The following TMEM132D variants were observed in gnomAD, a reference collection of about 807,000 sequenced individuals.
The protein encoded by TMEM132D is transmembrane protein 132D.
Under a neutral mutation model 62.3 loss-of-function variants are expected in TMEM132D, and 21 were observed. The ratio of observed to expected loss-of-function variants is 0.34; its 90% CI spans 0.24 to 0.49. The LOEUF is 0.49. Among genes scored for constraint, TMEM132D ranks in the 20% least tolerant of loss-of-function variants. TMEM132D has a pLI of 0.99. For synonymous variants in TMEM132D, 621 were observed against 575.6 expected, an observed-to-expected ratio of 1.08 and a Z score of -1.13; for missense variants, 1,346 against 1,402.8, an observed-to-expected ratio of 0.96 and a Z score of 0.65.
intron 7 of TMEM132D, 147 bp from the exon 8 acceptor site, chr12:129,078,872 A>G (rs1052225747): frequency 5.4e-6 from 4 of 746,626 alleles, no homozygotes; most frequent in Admixed American, 2.7e-5. Flanking sequence ...CACTCACACC[A>G]CCTTCTGAAT....
chr12:129,554,336 G>C (rs570149890), intron 2 of TMEM132D, among the ~76,000 whole-genome samples: 1 of 152,198 alleles, frequency 6.6e-6, no homozygotes, highest in African/African-American at 2.4e-5. Flanking sequence ...AACGATGCCA[G>C]GTGGTGCTGG....
intron 1 of TMEM132D, among the ~76,000 whole-genome samples, chr12:129,703,280 G>C (rs1881425032): frequency 6.6e-6 from 1 of 152,138 alleles, no homozygotes; most frequent in Non-Finnish European, 1.5e-5. Context: ...AATGACATCG[G>C]GTCCTATGAT....
intron 1 of TMEM132D, among the ~76,000 whole-genome samples, chr12:129,778,501 TG>T (rs1282787058): frequency 2.6e-5 from 4 of 152,170 alleles, no homozygotes; most frequent in African/African-American, 9.7e-5. Flanking sequence ...CGTGAGCACT[TG>T]GCACCATCAG....
intron 1 of TMEM132D, among the ~76,000 whole-genome samples, chr12:129,833,895 A>C (rs1872919820): frequency 6.6e-6 from 1 of 151,900 alleles, no homozygotes; most frequent in South Asian, 2.1e-4. Flanking sequence ...CATGCCTAAA[A>C]CTATTTTTTT....
chr12:129,584,182 G>A (rs1354722014), intron 2 of TMEM132D, among the ~76,000 whole-genome samples: 1 of 152,068 alleles, frequency 6.6e-6, no homozygotes, highest in Non-Finnish European at 1.5e-5. Flanking sequence ...AAAAAATGAA[G>A]TTGTCAAAAA....
chr12:129,093,599 G>C (rs527494939), intron 5 of TMEM132D, among the ~76,000 whole-genome samples: 17 of 152,260 alleles, frequency 1.1e-4, no homozygotes, highest in Admixed American at 4.6e-4. Context: ...CGTGAAAATG[G>C]CCATACTGCC....
At chr12:129,314,527 A>AT (rs1221888664) in intron 4 of TMEM132D, among the ~76,000 whole-genome samples, 1 of 152,152 alleles carries the variant, frequency 6.6e-6, no homozygotes, top group African/African-American at 2.4e-5. Context: ...GCCTTACAGT[A>AT]TAGTTTGAAA....
intron 4 of TMEM132D, among the ~76,000 whole-genome samples, chr12:129,319,451 G>A (rs1314499473): frequency 2.6e-5 from 4 of 152,142 alleles, no homozygotes; most frequent in Admixed American, 6.5e-5. Flanking sequence ...CACAGTATTC[G>A]GGGTGTCTCC....
At chr12:129,593,778 G>T (rs947294991) in intron 2 of TMEM132D, among the ~76,000 whole-genome samples, 1 of 152,232 alleles carries the variant, frequency 6.6e-6, no homozygotes, top group Middle Eastern at 3.4e-3. Flanking sequence ...GCACTGGGAG[G>T]TGCAGAGAAA....
chr12:129,363,745 T>C (rs1870322729), intron 3 of TMEM132D, among the ~76,000 whole-genome samples: 1 of 152,228 alleles, frequency 6.6e-6, no homozygotes, highest in African/African-American at 2.4e-5. Context: ...AATTTGCTGG[T>C]TGAGGTTAAT....
chr12:129,527,076 A>G (rs2137086079), intron 3 of TMEM132D, among the ~76,000 whole-genome samples: 1 of 152,326 alleles, frequency 6.6e-6, no homozygotes, highest in South Asian at 2.1e-4. Context: ...TGGGAGGCCA[A>G]GGCAGGTAGA....
chr12:129,792,923 C>T (rs906496844), intron 1 of TMEM132D, among the ~76,000 whole-genome samples: 1 of 152,062 alleles, frequency 6.6e-6, no homozygotes, highest in Non-Finnish European at 1.5e-5. Flanking sequence ...AATCCTACTA[C>T]CAGGAGGGAA....
intron 1 of TMEM132D, among the ~76,000 whole-genome samples, chr12:129,755,834 C>T (rs2137270969): frequency 6.6e-6 from 1 of 152,168 alleles, no homozygotes; most frequent in Admixed American, 6.5e-5. Context: ...ACCAATGCCC[C>T]ATCTATCGTC....
At chr12:129,352,788 T>C (rs1026623724) in intron 3 of TMEM132D, among the ~76,000 whole-genome samples, 1 of 152,080 alleles carries the variant, frequency 6.6e-6, no homozygotes, top group African/African-American at 2.4e-5. Flanking sequence ...TGTGGAGAAA[T>C]AGGAATGGTT....
chr12:129,185,796 TATCTATCTATCTATC>T (rs1222096853), intron 5 of TMEM132D, among the ~76,000 whole-genome samples: 105 of 134,352 alleles, frequency 7.8e-4, no homozygotes, highest in Middle Eastern at 7.0e-3. Context: ...TCTATCTATC[TATCTATCTATCTATC>T]ATCTATCTAT....
chr12:129,238,996 G>GGGTTT (rs374959544), intron 4 of TMEM132D, among the ~76,000 whole-genome samples: 1 of 133,046 alleles, frequency 7.5e-6, no homozygotes, highest in Non-Finnish European at 1.6e-5. Flanking sequence ...GTTATTTTCT[G>GGGTTT]TTTTTTTTTT....
At chr12:129,460,248 G>A (rs1229304965) in intron 3 of TMEM132D, among the ~76,000 whole-genome samples, 1 of 152,124 alleles carries the variant, frequency 6.6e-6, no homozygotes, top group Non-Finnish European at 1.5e-5. Context: ...TTCCCGTGAT[G>A]TCCGTGGATT....
At chr12:129,419,455 G>A (rs1451203754) in intron 3 of TMEM132D, among the ~76,000 whole-genome samples, 5 of 152,120 alleles carry the variant, frequency 3.3e-5, no homozygotes, top group Non-Finnish European at 2.9e-5. Flanking sequence ...CAGGTACTAG[G>A]AGGGGCACTG....
At chr12:129,526,406 T>G (rs1158791904) in intron 3 of TMEM132D, among the ~76,000 whole-genome samples, 2 of 152,196 alleles carry the variant, frequency 1.3e-5, no homozygotes, top group East Asian at 3.9e-4. Context: ...TGCCTCAGCC[T>G]CCTGAGTAGC....
Sources: gnomAD v4.1 joint callset for allele counts (sites outside exome capture counted in the v4.1 genomes callset) on GRCh38, gnomAD v4.1.1 for gene constraint, MANE v1.5 for transcripts, NCBI Gene and HGNC (gene_info 2026-07-23, HGNC 2026-07-21) for gene names.